Variants in PKIG observed in about 807,000 individuals in gnomAD.
PKIG encodes the protein cAMP-dependent protein kinase inhibitor gamma, also known as protein kinase (cAMP-dependent, catalytic) inhibitor gamma.
A neutral mutation model predicts 6.8 loss-of-function variants in PKIG; 1 was observed. The ratio of observed to expected loss-of-function variants is 0.15; its 90% confidence interval spans 0.05 to 0.69. The LOEUF (loss-of-function observed/expected upper bound fraction) is 0.69, where lower values mean the gene tolerates loss of function less well. Ranked by LOEUF, PKIG falls within the 30% of genes least tolerant of loss-of-function variation. The pLI is 0.82. For synonymous variants in PKIG, 39 were observed against 43.0 expected (o/e 0.91, Z 0.36); for missense variants, 77 against 104.0 (o/e 0.74, Z 1.13).
chr20:44,538,349 G>A (rs1046465930), intron 1 of PKIG, among the ~76,000 whole-genome samples: 1 of 152,202 alleles, frequency 6.6e-6, no homozygotes, highest in Non-Finnish European at 1.5e-5. Context: ...GAAAATTGAA[G>A]ATCAGAGGAT....
intron 1 of PKIG, among the ~76,000 whole-genome samples, chr20:44,556,819 T>C (rs1028906628): frequency 2.0e-5 from 3 of 152,178 alleles, no homozygotes; most frequent in Non-Finnish European, 2.9e-5. Flanking sequence ...ACTAGATATA[T>C]AGGTTTAAGT....
At chr20:44,611,970 G>C (rs900754596) in intron 2 of PKIG, among the ~76,000 whole-genome samples, 1 of 151,550 alleles carries the variant, frequency 6.6e-6, no homozygotes, top group Non-Finnish European at 1.5e-5. Flanking sequence ...TTTTATGGCT[G>C]AATAGTATTC....
In PKIG at chr20:44,582,636, C is replaced by T. The variant is rs2064958129; in HGVS notation, c.-189C>T. 1 of 152,366 alleles carries T rather than the reference C, an allele frequency of 6.6e-6. No individual in the cohort carries two copies. The highest frequency in any genetic ancestry group is 1.5e-5 in the Non-Finnish European group (1 of 68,066). 9.4% of individuals were successfully genotyped at this position (152,366 alleles called of 1,614,324 possible). On this transcript the variant is annotated 5_prime_UTR_variant, in exon 1 of 4. Transcript: ENST00000372886. ...GGGTAAAGTGAGAATCCTGCCCGCACCACAGGTCTGGACTGCTAACCTTGA... is the reference window on the plus strand; with the variant it reads ...GGGTAAAGTGAGAATCCTGCCCGCATCACAGGTCTGGACTGCTAACCTTGA...
chr20:44,542,063 A>G (rs1308774994), intron 1 of PKIG, among the ~76,000 whole-genome samples: 1 of 152,210 alleles, frequency 6.6e-6, no homozygotes, highest in Non-Finnish European at 1.5e-5. Flanking sequence ...GAAAATGAAA[A>G]TGATATTTCC....
intron 1 of PKIG, among the ~76,000 whole-genome samples, chr20:44,558,814 T>C (rs2064742768): frequency 6.6e-6 from 1 of 151,688 alleles, no homozygotes; most frequent in African/African-American, 2.4e-5. Context: ...TGCAGTGGCA[T>C]GATGACAGCT....
chr20:44,563,364 A>G (rs1033164149), intron 1 of PKIG, among the ~76,000 whole-genome samples: 3 of 151,336 alleles, frequency 2.0e-5, no homozygotes, highest in East Asian at 1.9e-4. Flanking sequence ...TTTGTGGCTT[A>G]GAACAACTGA....
intron 1 of PKIG, among the ~76,000 whole-genome samples, chr20:44,588,495 T>C (rs1346018332): frequency 6.6e-6 from 1 of 151,604 alleles, no homozygotes; most frequent in South Asian, 2.1e-4. Flanking sequence ...AATACAAAAA[T>C]TAGCCGGGCG....
intron 2 of PKIG, among the ~76,000 whole-genome samples, chr20:44,605,960 G>A (rs1183267042): frequency 6.6e-6 from 1 of 152,076 alleles, no homozygotes; most frequent in African/African-American, 2.4e-5. Flanking sequence ...TAATCTTAGA[G>A]TGGGGAAGAC....
chr20:44,544,929 T>C (rs1208380460), intron 1 of PKIG, among the ~76,000 whole-genome samples: 8 of 98,334 alleles, frequency 8.1e-5, no homozygotes, highest in Non-Finnish European at 1.4e-4. Context: ...TTCTTTCTTT[T>C]TTTTTTTTTT....
intron 1 of PKIG, among the ~76,000 whole-genome samples, chr20:44,566,346 T>C (rs991994336): frequency 1.3e-5 from 2 of 152,222 alleles, no homozygotes; most frequent in Non-Finnish European, 2.9e-5. Flanking sequence ...AGAAAAAGTT[T>C]ACTAGCCGCT....
intron 1 of PKIG, among the ~76,000 whole-genome samples, chr20:44,554,413 A>G (rs906478435): frequency 6.6e-6 from 1 of 152,192 alleles, no homozygotes; most frequent in Non-Finnish European, 1.5e-5. Context: ...TAAATTTAAC[A>G]TATAGTGAAA....
chr20:44,588,779 C>T (rs1448062599), intron 1 of PKIG, among the ~76,000 whole-genome samples: 1 of 152,148 alleles, frequency 6.6e-6, no homozygotes, highest in Non-Finnish European at 1.5e-5. Context: ...AGTTTCCTTT[C>T]TATTGGAGAA....
chr20:44,584,112 G>C (rs1247282052), intron 1 of PKIG, among the ~76,000 whole-genome samples: 1 of 152,158 alleles, frequency 6.6e-6, no homozygotes, highest in East Asian at 1.9e-4. Context: ...CAGAGCACTA[G>C]ATGGTCAGTA....
At chr20:44,582,275 A>G (rs2064954889), upstream of PKIG, among the ~76,000 whole-genome samples, 1 of 152,202 alleles carries the variant, frequency 6.6e-6, no homozygotes, top group Non-Finnish European at 1.5e-5. Flanking sequence ...CAACCCACTA[A>G]GAAGCAAAGG....
chr20:44,541,210 A>G (rs963137975), intron 1 of PKIG, among the ~76,000 whole-genome samples: 16 of 152,352 alleles, frequency 1.1e-4, no homozygotes, highest in African/African-American at 3.8e-4. Context: ...ATGAAGGACT[A>G]GGAAATACAG....
chr20:44,580,099 G>A (rs1260597332), upstream of PKIG, among the ~76,000 whole-genome samples: 1 of 152,152 alleles, frequency 6.6e-6, no homozygotes, highest in Non-Finnish European at 1.5e-5. Context: ...TTAGGGCAAA[G>A]GATGATGAAA....
At chr20:44,589,519 A>G (rs1388486232) in intron 1 of PKIG, among the ~76,000 whole-genome samples, 2 of 151,880 alleles carry the variant, frequency 1.3e-5, no homozygotes, top group African/African-American at 2.4e-5. Flanking sequence ...TAATTTAACT[A>G]TTTTTCTATT....
intron 2 of PKIG, among the ~76,000 whole-genome samples, chr20:44,609,813 C>A (rs2065198027): frequency 6.6e-6 from 1 of 152,306 alleles, no homozygotes; most frequent in South Asian, 2.1e-4. Flanking sequence ...TCAGGTGGGG[C>A]TGAGGCCCTT....
At chr20:44,594,208 C>T (rs1309513623) in intron 2 of PKIG, among the ~76,000 whole-genome samples, 2 of 152,174 alleles carry the variant, frequency 1.3e-5, no homozygotes, top group East Asian at 1.9e-4. Flanking sequence ...TTTAGCTTTG[C>T]TTTTCTGATA....
Sources: gnomAD v4.1 joint callset for allele counts (sites outside exome capture counted in the v4.1 genomes callset) on GRCh38, gnomAD v4.1.1 for gene constraint, MANE v1.5 for transcripts, NCBI Gene and HGNC (gene_info 2026-07-23, HGNC 2026-07-21) for gene names.